Variants in ZNF138 observed in about 807,000 individuals in gnomAD.
The protein encoded by ZNF138 is zinc finger protein 138 (clone pHZ-32).
ZNF138 carries 33 observed loss-of-function variants against 33.0 expected under a neutral mutation model. The observed-to-expected ratio is 1.00, with a 90% CI of 0.76 to 1.34. The LOEUF is 1.34. Ranked by LOEUF, ZNF138 falls within the 40% of genes most tolerant of loss-of-function variation. The probability of loss-of-function intolerance (pLI) is 0.00; values close to 1 mark genes in which losing one functional copy is unlikely to be tolerated. For missense variants in ZNF138, 360 were observed against 370.8 expected, an observed-to-expected ratio of 0.97 and a Z score of 0.24; for synonymous variants, 139 against 120.4, an observed-to-expected ratio of 1.15 and a Z score of -1.01.
At chr7:64,825,274 G>A (rs774767051) in intron 3 of ZNF138, among the ~76,000 whole-genome samples, 8 of 130,042 alleles carry the variant, frequency 6.2e-5, no homozygotes, top group East Asian at 5.2e-4. Context: ...CCGGGTTCAC[G>A]CCATTCTTCT....
At chr7:64,830,980 G>A (rs1023230444) in intron 3 of ZNF138, 1 of 1,551,324 alleles carries the variant, frequency 6.4e-7, no homozygotes, top group African/African-American at 1.4e-5. Flanking sequence ...TCAACATTTT[G>A]TCATTCCAAA....
intron 3 of ZNF138, among the ~76,000 whole-genome samples, chr7:64,822,840 C>T (rs55960866): frequency 0.99 from 150,107 of 152,304 alleles, 74,008 homozygotes; most frequent in East Asian, 1. Flanking sequence ...ATTTGTTTAC[C>T]GCTGTATGTT....
At chr7:64,824,398 A>G (rs976949536) in intron 3 of ZNF138, among the ~76,000 whole-genome samples, 7 of 152,232 alleles carry the variant, frequency 4.6e-5, no homozygotes, top group Admixed American at 6.5e-5. Flanking sequence ...CAGTCTGCCA[A>G]ACTGTGAGCA....
chr7:64,824,475 G>A (rs1224135274), intron 3 of ZNF138, among the ~76,000 whole-genome samples: 1 of 152,068 alleles, frequency 6.6e-6, no homozygotes, highest in Non-Finnish European at 1.5e-5. Flanking sequence ...AATTAATATA[G>A]TCTATAATGT....
intron 3 of ZNF138, among the ~76,000 whole-genome samples, chr7:64,826,234 A>T (rs1317575819): frequency 1.3e-5 from 2 of 151,652 alleles, no homozygotes; most frequent in African/African-American, 2.4e-5. Context: ...TACTGCCTTA[A>T]TTTTTGTTTA....
chr7:64,845,847 G>T, the ZNF138 span, among the ~76,000 whole-genome samples: 1 of 152,034 alleles, frequency 6.6e-6, no homozygotes, highest in African/African-American at 2.4e-5. Context: ...TATAAATTTT[G>T]AAAATTTCCT....
chr7:64,837,269 G>A (rs1363443036), downstream of ZNF138, among the ~76,000 whole-genome samples: 2 of 152,154 alleles, frequency 1.3e-5, no homozygotes, highest in African/African-American at 2.4e-5. Context: ...GGTGTTGTAA[G>A]AATTACCATG....
At chr7:64,829,003 A>G (rs1789869076) in intron 3 of ZNF138, among the ~76,000 whole-genome samples, 2 of 152,038 alleles carry the variant, frequency 1.3e-5, no homozygotes, top group African/African-American at 4.8e-5. Context: ...CTATCTATAT[A>G]TTTGTGAATT....
At chr7:64,799,674 G>A (rs920926250) in intron 1 of ZNF138, among the ~76,000 whole-genome samples, 6 of 151,830 alleles carry the variant, frequency 4.0e-5, no homozygotes, top group Non-Finnish European at 5.9e-5. Flanking sequence ...ATGGAGTTTC[G>A]CTCTTGTTGC....
At chr7:64,801,171 G>A (rs1447828390) in intron 1 of ZNF138, among the ~76,000 whole-genome samples, 1 of 151,936 alleles carries the variant, frequency 6.6e-6, no homozygotes, top group Non-Finnish European at 1.5e-5. Flanking sequence ...ATCTCCTTCA[G>A]TACAGCTCTT....
the ZNF138 span, chr7:64,852,787 T>G: frequency 1.2e-6 from 1 of 841,814 alleles, no homozygotes; most frequent in South Asian, 1.3e-5. Flanking sequence ...CCCCTGGTAC[T>G]GCATTGTCTG....
intron 1 of ZNF138, among the ~76,000 whole-genome samples, chr7:64,810,284 C>T (rs1397083540): frequency 2.7e-5 from 4 of 150,648 alleles, no homozygotes; most frequent in Admixed American, 6.6e-5. Context: ...AGCGAAACCC[C>T]GTCTCCACCA....
chr7:64,852,197 G>C, the ZNF138 span, among the ~76,000 whole-genome samples: 1 of 152,140 alleles, frequency 6.6e-6, no homozygotes, highest in Non-Finnish European at 1.5e-5. Context: ...CTCAAGATTA[G>C]GTGCATCTTC....
chr7:64,834,043 TA>T (rs1002077334), downstream of ZNF138, among the ~76,000 whole-genome samples: 1 of 152,036 alleles, frequency 6.6e-6, no homozygotes, highest in Non-Finnish European at 1.5e-5. Flanking sequence ...GCCTTTAAAG[TA>T]AAAAAAGAGT....
intron 3 of ZNF138, among the ~76,000 whole-genome samples, chr7:64,823,370 A>C (rs573662071): frequency 6.6e-6 from 1 of 151,602 alleles, no homozygotes; most frequent in Non-Finnish European, 1.5e-5. Context: ...GGATCTTACT[A>C]TGTCACCCAG....
At chr7:64,802,047 C>T (rs866059991) in intron 1 of ZNF138, among the ~76,000 whole-genome samples, 1 of 152,036 alleles carries the variant, frequency 6.6e-6, no homozygotes, top group African/African-American at 2.4e-5. Context: ...CCAAGGTGGT[C>T]GGGTTACAGC....
Position 64,794,458 on chromosome 7 carries a change from C to A in ZNF138, c.-111C>A. 2.0e-6 allele frequency: 3 copies of A among 1,520,770 alleles called. No individual in the cohort carries two copies. Among genetic ancestry groups the A allele is most frequent in the Admixed American group, 1.7e-5 (1 of 58,994 alleles). 94.2% of individuals were successfully genotyped at this position (1,520,770 alleles called of 1,614,324 possible). Reference sequence around the variant, plus strand: ...GCTGCAGCGGGTGCTGCAGGTCTGGCCTTCACTTTTCTGCGTCCTCTTACT... The same window carrying A: ...GCTGCAGCGGGTGCTGCAGGTCTGGACTTCACTTTTCTGCGTCCTCTTACT... On this transcript the variant is annotated 5_prime_UTR_variant, in exon 1 of 4. Coordinates refer to ENST00000307355, the MANE Select transcript of ZNF138 (RefSeq NM_001271639.2).
chr7:64,814,990 C>A lies in ZNF138; in HGVS notation c.76C>A (p.Arg26=), dbSNP rs375651103. ...EEWQCLDTAQ[R]NVYRHVMLEN... Reference sequence around the variant, plus strand: ...GTGGCAGTGCCTGGACACTGCACAGCGGAATGTATATAGGCATGTGATGTT... The same window carrying A: ...GTGGCAGTGCCTGGACACTGCACAGAGGAATGTATATAGGCATGTGATGTT... Residue 26 remains arginine (R), a synonymous_variant, in exon 2 of 4, where the codon CGG becomes AGG. Transcript: ENST00000307355. 1.1e-5 allele frequency: 18 copies of A among 1,612,520 alleles called. No homozygotes were observed. The African/African-American group carries it at 2.1e-4, about 19-fold the overall frequency.
chr7:64,847,339 T>A, the ZNF138 span, among the ~76,000 whole-genome samples: 782 of 144,702 alleles, frequency 5.4e-3, 8 homozygotes, highest in African/African-American at 0.019. Context: ...TATATTTTTT[T>A]TTTTTTTTTC....
Sources: gnomAD v4.1 joint callset for allele counts (sites outside exome capture counted in the v4.1 genomes callset) on GRCh38, gnomAD v4.1.1 for gene constraint, MANE v1.5 for transcripts, NCBI Gene and HGNC (gene_info 2026-07-23, HGNC 2026-07-21) for gene names.